Variants in PLXNA4 observed in about 807,000 individuals in gnomAD.
The protein encoded by PLXNA4 is plexin-A4.
A neutral mutation model predicts 191.8 loss-of-function variants in PLXNA4; 44 were observed. That is an observed-to-expected ratio of 0.23 (90% CI 0.18 to 0.29). The LOEUF is 0.29. Among genes scored for constraint, PLXNA4 ranks in the 10% least tolerant of loss-of-function variants. The probability of loss-of-function intolerance (pLI) is 1.00; values close to 1 mark genes in which losing one functional copy is unlikely to be tolerated. For synonymous variants in PLXNA4, 1,082 were observed against 1,009.5 expected, an observed-to-expected ratio of 1.07 and a Z score of -1.36; for missense variants, 1,800 against 2,488.8, an observed-to-expected ratio of 0.72 and a Z score of 5.89.
At chr7:132,616,706 A>T (rs1803162722) in intron 2 of PLXNA4, among the ~76,000 whole-genome samples, 1 of 152,202 alleles carries the variant, frequency 6.6e-6, no homozygotes, top group Non-Finnish European at 1.5e-5. Context: ...ATATAACTCA[A>T]CATTCTATTA....
intron 9 of PLXNA4, among the ~76,000 whole-genome samples, chr7:132,214,502 T>A (rs776026634): frequency 1.3e-5 from 2 of 152,004 alleles, no homozygotes; most frequent in Non-Finnish European, 2.9e-5. Context: ...AAACGGCAAT[T>A]TCTCCCTAGG....
intron 1 of PLXNA4, among the ~76,000 whole-genome samples, chr7:132,562,563 T>C (rs1476802163): frequency 8.5e-6 from 1 of 118,022 alleles, no homozygotes; most frequent in Non-Finnish European, 1.7e-5. Flanking sequence ...CTTCTCTTCC[T>C]CCTTTCTCCT....
intron 2 of PLXNA4, among the ~76,000 whole-genome samples, chr7:132,491,194 G>A (rs530490143): frequency 7.9e-5 from 12 of 152,320 alleles, no homozygotes; most frequent in Admixed American, 5.2e-4. Context: ...TATTGCACTC[G>A]TGCCTGTAAA....
chr7:132,646,866 C>T (rs1019263317), intron 1 of PLXNA4, among the ~76,000 whole-genome samples: 3 of 152,124 alleles, frequency 2.0e-5, no homozygotes, highest in African/African-American at 7.2e-5. Context: ...GTCATACACT[C>T]ACAAACACAT....
At chr7:132,402,123 T>A (rs1466271063) in intron 3 of PLXNA4, among the ~76,000 whole-genome samples, 1 of 152,192 alleles carries the variant, frequency 6.6e-6, no homozygotes, top group African/African-American at 2.4e-5. Context: ...GCGAATGCAC[T>A]TGACTCAGCA....
chr7:132,170,732 C>T (rs181849388), intron 21 of PLXNA4, among the ~76,000 whole-genome samples: 1 of 152,224 alleles, frequency 6.6e-6, no homozygotes, highest in Non-Finnish European at 1.5e-5. Flanking sequence ...CAGCCCTGCA[C>T]CTTGCACAGA....
chr7:132,625,588 A>G (rs550312660), intron 2 of PLXNA4, among the ~76,000 whole-genome samples: 1 of 152,308 alleles, frequency 6.6e-6, no homozygotes, highest in South Asian at 2.1e-4. Context: ...AGTCCTAGGC[A>G]GTTACAGGCC....
At position 132,279,084 on chromosome 7, in the gene PLXNA4, G is replaced by T. The variant is rs561208941; in HGVS notation, c.1503+19007C>A. Among the ~76,000 whole-genome samples, 308 of 152,290 alleles carry T rather than the reference G, an allele frequency of 2.0e-3. 3 individuals carry two copies. Among genetic ancestry groups the T allele is most frequent in the African/African-American group, 7.1e-3 (294 of 41,550 alleles). ...TGTCTTGTGCTCTCTGGATGTTCCA[G>T]CATGAAGACATATGCACAAAGTTAC... On this transcript the variant is annotated intron_variant, in intron 4 of 31. Transcript: ENST00000321063.
intron 1 of PLXNA4, among the ~76,000 whole-genome samples, chr7:132,510,318 CAAAT>C (rs1798657005): frequency 6.6e-6 from 1 of 152,166 alleles, no homozygotes; most frequent in African/African-American, 2.4e-5. Flanking sequence ...GGAAGAAAAC[CAAAT>C]AAAGACTTTG....
Position 132,136,686 on chromosome 7 carries a change from C to T in PLXNA4, c.5439-3487G>A, listed in dbSNP as rs551336763. 3.3e-5 allele frequency among the ~76,000 whole-genome samples: 5 copies of T among 152,304 alleles called. No individual in the cohort carries two copies. The South Asian group carries it at 6.2e-4, about 19-fold the overall frequency. ...ATCCTGGGCCCAGAGAGTGACAGTG[C>T]GTATCTCACATCTGCCTTTAGGTTA... On this transcript the variant is annotated intron_variant, in intron 30 of 31. Coordinates refer to ENST00000321063, the MANE Select transcript of PLXNA4 (RefSeq NM_020911.2).
At chr7:132,563,130 C>CTCCTCCTTCTCCTCT in intron 1 of PLXNA4, among the ~76,000 whole-genome samples, 1 of 103,268 alleles carries the variant, frequency 9.7e-6, no homozygotes, top group Admixed American at 8.8e-5. Flanking sequence ...CCTTCTCCTC[C>CTCCTCCTTCTCCTCT]TCCTCCTTCT....
intron 3 of PLXNA4, among the ~76,000 whole-genome samples, chr7:132,404,493 G>A (rs1489494755): frequency 6.6e-6 from 1 of 152,194 alleles, no homozygotes; most frequent in African/African-American, 2.4e-5. Flanking sequence ...CTGGGTGGCA[G>A]AACAGGATGG....
At chr7:132,151,648 GGAA>G (rs1231566221) in intron 25 of PLXNA4, among the ~76,000 whole-genome samples, 1 of 151,744 alleles carries the variant, frequency 6.6e-6, no homozygotes, top group African/African-American at 2.4e-5. Flanking sequence ...AGGAAGAAGA[GGAA>G]GAAGAAGAAA....
upstream of PLXNA4, chr7:132,576,528 C>A (rs1026511274): frequency 2.0e-6 from 2 of 985,820 alleles, no homozygotes; most frequent in Non-Finnish European, 2.4e-6. This position sits in a 1 kb window ranked among gnomAD's most constrained non-coding sequence, Gnocchi z 5.8. Context: ...CGTGTGCGCG[C>A]GTGTGGCTGC....
intron 4 of PLXNA4, among the ~76,000 whole-genome samples, chr7:132,263,428 TAG>T (rs1474315132): frequency 6.6e-6 from 1 of 152,234 alleles, no homozygotes; most frequent in African/African-American, 2.4e-5. Flanking sequence ...TACTGTTTAC[TAG>T]AGACATGCCT....
intron 4 of PLXNA4, among the ~76,000 whole-genome samples, chr7:132,270,701 T>C (rs1463131914): frequency 6.6e-6 from 1 of 152,214 alleles, no homozygotes; most frequent in Non-Finnish European, 1.5e-5. Flanking sequence ...GGCAGAATCA[T>C]TTACAATGCG....
At chr7:132,384,243 G>A (rs773005979) in intron 3 of PLXNA4, 1 of 985,436 alleles carries the variant, frequency 1.0e-6, no homozygotes, top group Non-Finnish European at 1.2e-6. Context: ...CTTAGCAACA[G>A]AACAAATCTA....
chr7:132,538,872 C>T (rs1799955484), intron 1 of PLXNA4, among the ~76,000 whole-genome samples: 1 of 152,210 alleles, frequency 6.6e-6, no homozygotes, highest in Admixed American at 6.5e-5. Context: ...AATCCCTTTC[C>T]TTGGCTCCTC....
At chr7:132,220,746 GCCA>G (rs1798115554) in intron 9 of PLXNA4, among the ~76,000 whole-genome samples, 1 of 151,438 alleles carries the variant, frequency 6.6e-6, no homozygotes, top group Admixed American at 6.6e-5. Flanking sequence ...GGTGCTTGAA[GCCA>G]TCATTCTTCT....
Sources: gnomAD v4.1 joint callset for allele counts (sites outside exome capture counted in the v4.1 genomes callset) on GRCh38, gnomAD v4.1.1 for gene constraint, Gnocchi (gnomAD v3.1) non-coding constraint, MANE v1.5 for transcripts, NCBI Gene and HGNC (gene_info 2026-07-23, HGNC 2026-07-21) for gene names.